Variants in MPPED2 observed in about 807,000 individuals in gnomAD.
MPPED2 encodes metallophosphoesterase MPPED2.
MPPED2 carries 5 observed loss-of-function variants against 33.0 expected under a neutral mutation model. That is an observed-to-expected ratio of 0.15 (90% CI 0.08 to 0.32). The LOEUF is 0.32. MPPED2 is among the 10% of genes least tolerant of loss of function. MPPED2 has a pLI of 1.00. For synonymous variants in MPPED2, 136 were observed against 141.9 expected, an observed-to-expected ratio of 0.96 and a Z score of 0.29; for missense variants, 275 against 372.1, an observed-to-expected ratio of 0.74 and a Z score of 2.15.
chr11:30,531,839 G>T (rs1188928618), intron 3 of MPPED2, among the ~76,000 whole-genome samples: 1 of 152,192 alleles, frequency 6.6e-6, no homozygotes, highest in Non-Finnish European at 1.5e-5. Context: ...CTTAGGCCCT[G>T]AACATATGTA....
At chr11:30,543,607 C>T (rs1203767858) in intron 2 of MPPED2, among the ~76,000 whole-genome samples, 2 of 152,082 alleles carry the variant, frequency 1.3e-5, no homozygotes, top group Non-Finnish European at 2.9e-5. Flanking sequence ...CATCCATCCA[C>T]ATATAATCAG....
chr11:30,576,470 G>A (rs1590923870), intron 2 of MPPED2, among the ~76,000 whole-genome samples: 1 of 152,278 alleles, frequency 6.6e-6, no homozygotes, highest in African/African-American at 2.4e-5. Flanking sequence ...GAATTAACCT[G>A]AGTAGGGTAT....
chr11:30,442,793 T>C (rs898734345), intron 4 of MPPED2, among the ~76,000 whole-genome samples: 1 of 152,202 alleles, frequency 6.6e-6, no homozygotes, highest in African/African-American at 2.4e-5. Flanking sequence ...GAGGATAGCT[T>C]GAGCTCGGGA....
intron 2 of MPPED2, among the ~76,000 whole-genome samples, chr11:30,571,016 A>G (rs1706977431): frequency 6.6e-6 from 1 of 152,214 alleles, no homozygotes; most frequent in Non-Finnish European, 1.5e-5. Context: ...AGAGTCCTGC[A>G]GTTTTTTAAG....
intron 2 of MPPED2, among the ~76,000 whole-genome samples, chr11:30,557,177 G>A (rs892406454): frequency 6.9e-6 from 1 of 144,634 alleles, no homozygotes; most frequent in African/African-American, 2.9e-5. Flanking sequence ...TTCAATGAGC[G>A]AATGAATAAA....
At position 30,423,507 on chromosome 11, in the gene MPPED2, A is replaced by G. The variant is rs530754693; in HGVS notation, c.537-5874T>C. Reference sequence around the variant, plus strand: ...TAGCACCCAGACTTTAGGAGCTGGCAGGTTGGCTGTGCCAGTTAGCGTAAC... The same window carrying G: ...TAGCACCCAGACTTTAGGAGCTGGCGGGTTGGCTGTGCCAGTTAGCGTAAC... On this transcript the variant is annotated intron_variant, in intron 4 of 6. Coordinates refer to ENST00000358117, the MANE Select transcript of MPPED2 (RefSeq NM_001584.3). 5.9e-5 allele frequency among the ~76,000 whole-genome samples: 9 copies of G among 152,302 alleles called. No homozygotes were observed. In the South Asian group the frequency reaches 1.9e-3, roughly 32 times the overall value.
intron 6 of MPPED2, among the ~76,000 whole-genome samples, chr11:30,404,324 AAC>A (rs1947955860): frequency 6.6e-6 from 1 of 152,264 alleles, no homozygotes; most frequent in African/African-American, 2.4e-5. Flanking sequence ...AAAACGAGTC[AAC>A]AACTGATGCA....
At chr11:30,437,266 C>A (rs1590260265) in intron 4 of MPPED2, among the ~76,000 whole-genome samples, 1 of 152,178 alleles carries the variant, frequency 6.6e-6, no homozygotes, top group South Asian at 2.1e-4. Flanking sequence ...TTAATACATC[C>A]CATTCCCTGT....
At chr11:30,407,600 G>A (rs1362606984), downstream of MPPED2, among the ~76,000 whole-genome samples, 6 of 152,182 alleles carry the variant, frequency 3.9e-5, no homozygotes, top group African/African-American at 7.2e-5. Context: ...GGCCAGGGAC[G>A]GTGGCTCAGG....
At chr11:30,512,619 A>G (rs971469830) in intron 3 of MPPED2, among the ~76,000 whole-genome samples, 3 of 152,094 alleles carry the variant, frequency 2.0e-5, no homozygotes, top group African/African-American at 7.2e-5. Flanking sequence ...GATTGTACAA[A>G]CCCTTTAACG....
intron 3 of MPPED2, among the ~76,000 whole-genome samples, chr11:30,503,510 T>TC (rs1472590778): frequency 6.6e-6 from 1 of 151,854 alleles, no homozygotes; most frequent in Non-Finnish European, 1.5e-5. Flanking sequence ...TCCACACCCT[T>TC]TTTTTTAAAA....
At chr11:30,487,882 C>A (rs1416398790) in intron 4 of MPPED2, among the ~76,000 whole-genome samples, 5 of 152,076 alleles carry the variant, frequency 3.3e-5, no homozygotes, top group Admixed American at 6.6e-5. Flanking sequence ...CTGAGAGCCC[C>A]TGAAGGGTGC....
At position 30,448,366 on chromosome 11, in the gene MPPED2, G is replaced by A. The variant is rs114983686; in HGVS notation, c.537-30733C>T. On this transcript the variant is annotated intron_variant, in intron 4 of 6. Transcript: ENST00000358117. ...GCTCAGACTTGAGCCTGCAGCAGGA[G>A]CACCTGATGAGTTCCACAAACACAC... Among the ~76,000 whole-genome samples, 1,385 of 152,290 alleles carry A rather than the reference G, an allele frequency of 9.1e-3. 34 individuals carry two copies. Among genetic ancestry groups the A allele is most frequent in the African/African-American group, 0.029 (1,219 of 41,562 alleles).
chr11:30,566,388 G>T (rs1024211354), intron 2 of MPPED2, among the ~76,000 whole-genome samples: 1 of 152,160 alleles, frequency 6.6e-6, no homozygotes, highest in Admixed American at 6.6e-5. Context: ...TTAGAAATGA[G>T]AGTTTACTAC....
chr11:30,511,489 G>A (rs1953190450), intron 3 of MPPED2, among the ~76,000 whole-genome samples: 2 of 152,168 alleles, frequency 1.3e-5, no homozygotes, highest in Admixed American at 1.3e-4. Context: ...CTTTGAGGGG[G>A]ATAAGTCAAT....
chr11:30,514,227 TGCGGTCACCCAATCCTGGCCA>T (rs1489357725), intron 3 of MPPED2, among the ~76,000 whole-genome samples: 50 of 152,108 alleles, frequency 3.3e-4, no homozygotes, highest in African/African-American at 1.2e-3. Flanking sequence ...TTTAAGGAGG[TGCGGTCACCCAATCCTGGCCA>T]GCGAAACATG....
At chr11:30,491,189 G>A (rs556722171) in intron 4 of MPPED2, among the ~76,000 whole-genome samples, 4 of 152,262 alleles carry the variant, frequency 2.6e-5, no homozygotes, top group South Asian at 2.1e-4. Context: ...TCTCCCAAAC[G>A]TTGCTTCTTA....
At chr11:30,412,729 A>G (rs1176915488) in intron 6 of MPPED2, among the ~76,000 whole-genome samples, 1 of 152,204 alleles carries the variant, frequency 6.6e-6, no homozygotes, top group Non-Finnish European at 1.5e-5. Flanking sequence ...GTCTTAAGTG[A>G]ATAAAAGTGA....
intron 2 of MPPED2, among the ~76,000 whole-genome samples, chr11:30,552,103 C>T (rs1435303058): frequency 6.6e-6 from 1 of 152,200 alleles, no homozygotes; most frequent in Non-Finnish European, 1.5e-5. Flanking sequence ...TTTTACACTT[C>T]ATAAGTCAAT....
Sources: allele counts gnomAD v4.1 joint callset (sites outside exome capture counted in the v4.1 genomes callset), GRCh38; gene constraint gnomAD v4.1.1; transcripts MANE v1.5; gene names NCBI Gene and HGNC (gene_info 2026-07-23, HGNC 2026-07-21).